GPHN: variants seen among roughly 807,000 people sequenced by gnomAD.
The protein encoded by GPHN is gephyrin.
In GPHN, 17 loss-of-function variants were observed where a neutral mutation model predicts 95.5. The observed-to-expected ratio is 0.18, with a 90% confidence interval of 0.12 to 0.27. GPHN has a LOEUF of 0.27. GPHN is among the 10% of genes least tolerant of loss of function. GPHN has a pLI of 1.00. For synonymous variants in GPHN, 320 were observed against 322.5 expected, an observed-to-expected ratio of 0.99 and a Z score of 0.08; for missense variants, 660 against 978.1, an observed-to-expected ratio of 0.67 and a Z score of 4.34.
intron 10 of GPHN, among the ~76,000 whole-genome samples, chr14:67,024,944 A>G (rs1232007426): frequency 6.6e-6 from 1 of 152,058 alleles, no homozygotes; most frequent in Non-Finnish European, 1.5e-5. Context: ...GGGCAAACAC[A>G]ATTATTGCTT....
the GPHN span, among the ~76,000 whole-genome samples, chr14:67,253,529 C>T: frequency 3.3e-5 from 5 of 152,114 alleles, no homozygotes; most frequent in Admixed American, 3.3e-4. Flanking sequence ...TTTCACTACA[C>T]ATTTTTAAAT....
intron 11 of GPHN, among the ~76,000 whole-genome samples, chr14:67,071,410 A>G (rs1003561014): frequency 1.3e-5 from 2 of 151,152 alleles, no homozygotes; most frequent in African/African-American, 4.9e-5. Context: ...GCATGTTCTC[A>G]CTCATAGGTG....
intron 2 of GPHN, among the ~76,000 whole-genome samples, chr14:66,700,410 G>A (rs991829266): frequency 1.3e-5 from 2 of 152,166 alleles, no homozygotes; most frequent in African/African-American, 4.8e-5. Flanking sequence ...TAGATTTAGA[G>A]GGAAAACCTA....
intron 1 of GPHN, among the ~76,000 whole-genome samples, chr14:66,581,193 T>C (rs2061151704): frequency 6.7e-6 from 1 of 148,636 alleles, no homozygotes; most frequent in African/African-American, 2.5e-5. Context: ...AGGCCCAAAA[T>C]TAACGTCATA....
At chr14:67,616,471 CTG>C in the GPHN span, 8 of 144,428 alleles carry the variant, frequency 5.5e-5, no homozygotes, top group African/African-American at 2.2e-4. Flanking sequence ...ACTGAATACT[CTG>C]TAATTGCAAA....
At chr14:67,324,882 C>A in the GPHN span, among the ~76,000 whole-genome samples, 4 of 151,118 alleles carry the variant, frequency 2.6e-5, no homozygotes, top group East Asian at 2.0e-4. Context: ...AGCTACCACG[C>A]CCAGCCTTCC....
At chr14:67,323,880 C>G in the GPHN span, 4 of 805,294 alleles carry the variant, frequency 5.0e-6, no homozygotes, top group Non-Finnish European at 8.0e-6. Context: ...TCTAATTTGT[C>G]CTGGTGCTTA....
the GPHN span, chr14:67,589,252 T>A: frequency 1.4e-6 from 1 of 720,164 alleles, no homozygotes; most frequent in Non-Finnish European, 1.7e-6. Context: ...TCCCCAACCC[T>A]TCAGGAACCC....
chr14:67,292,530 T>G, the GPHN span: 2 of 1,611,714 alleles, frequency 1.2e-6, no homozygotes, highest in South Asian at 2.2e-5. Context: ...ACTTGTTTTC[T>G]TCACTTAAAC....
chr14:67,203,725 G>C, the GPHN span, among the ~76,000 whole-genome samples: 6 of 152,186 alleles, frequency 3.9e-5, no homozygotes, highest in South Asian at 1.0e-3. Context: ...GACGTGTTTT[G>C]TTTTTGAGAT....
At chr14:67,330,370 G>A in the GPHN span, among the ~76,000 whole-genome samples, 82 of 150,994 alleles carry the variant, frequency 5.4e-4, no homozygotes, top group Non-Finnish European at 9.3e-4. Context: ...AATTTCCCTC[G>A]AAACAGTTCT....
chr14:67,474,714 C>G, the GPHN span, among the ~76,000 whole-genome samples: 2 of 152,134 alleles, frequency 1.3e-5, no homozygotes, highest in Non-Finnish European at 2.9e-5. Flanking sequence ...ATACAAACTC[C>G]CATTCCCCAT....
chr14:67,302,634 A>T, the GPHN span: 1 of 1,239,816 alleles, frequency 8.1e-7, no homozygotes. Flanking sequence ...AGACTTTAGA[A>T]TAAAATATTT....
At chr14:66,902,939 T>A (rs547049340) in intron 5 of GPHN, among the ~76,000 whole-genome samples, 1 of 152,138 alleles carries the variant, frequency 6.6e-6, no homozygotes, top group Admixed American at 6.6e-5. Flanking sequence ...TTGCTATTAT[T>A]TCCAAACTAC....
Position 66,922,705 on chromosome 14 carries a change from A to G in GPHN, c.496A>G (p.Ile166Val), listed in dbSNP as rs764823306. The change falls in exon 7 of 23, where the codon ATT becomes GTT. Residue 166 changes from isoleucine (I) to valine (V), a missense_variant. Around this residue, in one of 6 missense-constraint regions of GPHN, gnomAD observed 71 missense variants for 130.8 expected, o/e 0.54. Transcript: ENST00000478722. The part of the protein sequence containing the change: ...QFILPALPHA[I>V]DLLRDAIVKV... Reference sequence around the variant, plus strand: ...CATACTGCCAGCTCTACCTCATGCCATTGACCTTTTACGTGATGCCATTGT... The same window carrying G: ...CATACTGCCAGCTCTACCTCATGCCGTTGACCTTTTACGTGATGCCATTGT... 33 of 1,613,702 alleles carry G rather than the reference A, an allele frequency of 2.0e-5. No individual in the cohort carries two copies. The highest frequency in any genetic ancestry group is 1.6e-4 in the Middle Eastern group (1 of 6,084).
the GPHN span, among the ~76,000 whole-genome samples, chr14:67,497,478 A>C: frequency 1.3e-5 from 2 of 152,148 alleles, no homozygotes; most frequent in African/African-American, 4.8e-5. Context: ...AATGCCACAG[A>C]TACTTACAAG....
At chr14:67,570,346 C>T in the GPHN span, 1 of 1,001,980 alleles carries the variant, frequency 1.0e-6, no homozygotes, top group Non-Finnish European at 1.2e-6. Flanking sequence ...GAGGTATATT[C>T]CAACTTATAT....
At chr14:67,711,959 G>T in the GPHN span, among the ~76,000 whole-genome samples, 1 of 151,992 alleles carries the variant, frequency 6.6e-6, no homozygotes, top group African/African-American at 2.4e-5. Context: ...TGCTCTTGTT[G>T]CCCAGGCTGA....
At chr14:66,549,438 C>T (rs986221850) in intron 1 of GPHN, among the ~76,000 whole-genome samples, 3 of 152,114 alleles carry the variant, frequency 2.0e-5, no homozygotes, top group African/African-American at 7.2e-5. Flanking sequence ...TCTAACTCTT[C>T]TCAATTCTGT....
Sources: allele counts gnomAD v4.1 joint callset (sites outside exome capture counted in the v4.1 genomes callset), GRCh38; gene constraint gnomAD v4.1.1; regional missense constraint gnomAD v4.1.1; transcripts MANE v1.5; gene names NCBI Gene and HGNC (gene_info 2026-07-23, HGNC 2026-07-21).